The following C12orf54 variants were observed in gnomAD, a reference collection of about 807,000 sequenced individuals.
The protein encoded by C12orf54 is chromosome 12 open reading frame 54, also known as uncharacterized protein C12orf54.
A neutral mutation model predicts 26.4 loss-of-function variants in C12orf54; 24 were observed. The observed-to-expected ratio is 0.91, with a 90% CI of 0.66 to 1.28. C12orf54 has a LOEUF of 1.28. Ranked by LOEUF, C12orf54 falls within the 50% of genes most tolerant of loss-of-function variation. The pLI, the probability that C12orf54 is intolerant of heterozygous loss-of-function variation, is 0.00. For synonymous variants in C12orf54, 54 were observed against 47.0 expected, an observed-to-expected ratio of 1.15 and a Z score of -0.61; for missense variants, 154 against 150.9, an observed-to-expected ratio of 1.02 and a Z score of -0.11.
At chr12:48,471,859 T>C in the C12orf54 span, among the ~76,000 whole-genome samples, 1 of 152,118 alleles carries the variant, frequency 6.6e-6, no homozygotes, top group Non-Finnish European at 1.5e-5. Flanking sequence ...TTCAGAGTAG[T>C]TTTTTTCTAA....
chr12:48,428,758 A>C, the C12orf54 span, among the ~76,000 whole-genome samples: 4 of 152,238 alleles, frequency 2.6e-5, no homozygotes, highest in East Asian at 5.8e-4. Flanking sequence ...ATTGGTACCA[A>C]TCCTATTGAC....
chr12:48,443,566 A>G, the C12orf54 span, among the ~76,000 whole-genome samples: 1 of 152,204 alleles, frequency 6.6e-6, no homozygotes, highest in Non-Finnish European at 1.5e-5. Flanking sequence ...GAGACCTCCA[A>G]TGCTATGTAA....
the C12orf54 span, among the ~76,000 whole-genome samples, chr12:48,449,864 T>A: frequency 6.6e-6 from 1 of 152,158 alleles, no homozygotes; most frequent in African/African-American, 2.4e-5. Context: ...TCTCCTGGAA[T>A]TCCCACGTGT....
At chr12:48,422,276 C>T in the C12orf54 span, among the ~76,000 whole-genome samples, 1 of 152,186 alleles carries the variant, frequency 6.6e-6, no homozygotes, top group African/African-American at 2.4e-5. Context: ...GACTGCAGGA[C>T]TTCTAGACAT....
chr12:48,434,157 G>A, the C12orf54 span, among the ~76,000 whole-genome samples: 151 of 152,242 alleles, frequency 9.9e-4, no homozygotes, highest in East Asian at 5.0e-3. Flanking sequence ...ATGGAGCCTC[G>A]CTCATTGCGA....
chr12:48,475,358 G>T, the C12orf54 span, among the ~76,000 whole-genome samples: 1 of 152,214 alleles, frequency 6.6e-6, no homozygotes, highest in African/African-American at 2.4e-5. Context: ...CCAAAGGAAT[G>T]CAGCTCCTCA....
chr12:48,419,134 G>A, the C12orf54 span, among the ~76,000 whole-genome samples: 1 of 152,110 alleles, frequency 6.6e-6, no homozygotes, highest in Non-Finnish European at 1.5e-5. Flanking sequence ...CTTCTAGACT[G>A]GCAAGTGCCA....
At chr12:48,425,796 T>C in the C12orf54 span, among the ~76,000 whole-genome samples, 1 of 152,150 alleles carries the variant, frequency 6.6e-6, no homozygotes, top group African/African-American at 2.4e-5. Flanking sequence ...TGGTATCTCA[T>C]TGTGGTTTTC....
At chr12:48,434,096 C>T in the C12orf54 span, among the ~76,000 whole-genome samples, 8 of 152,324 alleles carry the variant, frequency 5.3e-5, no homozygotes, top group East Asian at 5.8e-4. Context: ...GCTTAACAAA[C>T]GGCACACCAG....
At chr12:48,471,113 G>T in the C12orf54 span, among the ~76,000 whole-genome samples, 1 of 150,762 alleles carries the variant, frequency 6.6e-6, no homozygotes, top group Non-Finnish European at 1.5e-5. Context: ...CCCCCCAACA[G>T]CCCCCACTAC....
the C12orf54 span, among the ~76,000 whole-genome samples, chr12:48,437,856 CCT>C: frequency 6.6e-6 from 1 of 151,988 alleles, no homozygotes; most frequent in Non-Finnish European, 1.5e-5. Flanking sequence ...ACAGGGATGC[CCT>C]CTCTCACCAC....
the C12orf54 span, among the ~76,000 whole-genome samples, chr12:48,421,514 T>A: frequency 2.5e-5 from 2 of 79,210 alleles, no homozygotes; most frequent in Non-Finnish European, 5.4e-5. Flanking sequence ...ATCATGTGCT[T>A]TTTTTTTTTT....
chr12:48,474,901 G>T, the C12orf54 span, among the ~76,000 whole-genome samples: 1 of 152,208 alleles, frequency 6.6e-6, no homozygotes, highest in African/African-American at 2.4e-5. Context: ...AAAGAGTAGT[G>T]GTTCTCCCGG....
the C12orf54 span, among the ~76,000 whole-genome samples, chr12:48,453,035 C>A: frequency 6.6e-6 from 1 of 152,094 alleles, no homozygotes; most frequent in Non-Finnish European, 1.5e-5. Flanking sequence ...AAGACACATG[C>A]ACATGTCTGT....
chr12:48,483,490 A>G, intron 2 of C12orf54, 129 bp downstream of exon 2: 1 of 704,226 alleles, frequency 1.4e-6, no homozygotes, highest in Non-Finnish European at 2.4e-6. Context: ...TAAGATGGGG[A>G]CTTTCATGTG....
At chr12:48,467,935 C>T in the C12orf54 span, among the ~76,000 whole-genome samples, 1 of 152,050 alleles carries the variant, frequency 6.6e-6, no homozygotes, top group African/African-American at 2.4e-5. Flanking sequence ...CCCTTGTATC[C>T]TCATCACTGG....
chr12:48,453,033 T>C, the C12orf54 span, among the ~76,000 whole-genome samples: 1 of 152,132 alleles, frequency 6.6e-6, no homozygotes, highest in Non-Finnish European at 1.5e-5. Context: ...TAAAGACACA[T>C]GCACATGTCT....
the C12orf54 span, among the ~76,000 whole-genome samples, chr12:48,457,860 G>C: frequency 5.2e-4 from 79 of 152,288 alleles, no homozygotes; most frequent in Admixed American, 2.7e-3. Flanking sequence ...AGGACGGGAT[G>C]ACTGGGGAGT....
intron 2 of C12orf54, among the ~76,000 whole-genome samples, chr12:48,484,246 T>C (rs537494126): frequency 6.8e-4 from 103 of 152,328 alleles, no homozygotes; most frequent in African/African-American, 2.4e-3. Flanking sequence ...ATTTCTAAGC[T>C]GCCTGAAAGT....
Sources: gnomAD v4.1 joint callset for allele counts (sites outside exome capture counted in the v4.1 genomes callset) on GRCh38, gnomAD v4.1.1 for gene constraint, MANE v1.5 for transcripts, NCBI Gene and HGNC (gene_info 2026-07-23, HGNC 2026-07-21) for gene names.